The following PAPPA2 variants were observed in gnomAD, a reference collection of about 807,000 sequenced individuals.
PAPPA2 encodes pappalysin-2.
Under a neutral mutation model 176.4 loss-of-function variants are expected in PAPPA2, and 86 were observed. That is an observed-to-expected ratio of 0.49 (90% confidence interval 0.41 to 0.58). The LOEUF is 0.58. PAPPA2 is among the 20% of genes least tolerant of loss of function. The pLI is 0.00. For synonymous variants in PAPPA2, 809 were observed against 852.2 expected, an observed-to-expected ratio of 0.95 and a Z score of 0.88; for missense variants, 2,073 against 2,256.9, an observed-to-expected ratio of 0.92 and a Z score of 1.65.
rs902689364 is a variant in PAPPA2, at chr1:176,838,398, G to GA, written c.5203-1767dup. Among the ~76,000 whole-genome samples, 5 of 151,880 alleles carry GA rather than the reference G, an allele frequency of 3.3e-5. No individual in the cohort carries two copies. In the South Asian group the frequency reaches 8.3e-4, roughly 25 times the overall value. On this transcript the variant is annotated intron_variant, in intron 21 of 22. Transcript: ENST00000367662. ...TTCGATTTTTATAGACAATTACATG[G>GA]AAAAAAAAGAAGGAACTTACTAGGT...
chr1:176,624,205 A>G (rs1243426780), intron 3 of PAPPA2, among the ~76,000 whole-genome samples: 1 of 152,160 alleles, frequency 6.6e-6, no homozygotes, highest in African/African-American at 2.4e-5. Flanking sequence ...TTCACTGAAG[A>G]CCACCTATGC....
At chr1:176,464,996 T>C (rs1389070651) in intron 1 of PAPPA2, among the ~76,000 whole-genome samples, 5 of 152,240 alleles carry the variant, frequency 3.3e-5, no homozygotes, top group Non-Finnish European at 7.3e-5. Flanking sequence ...AGTAGGATTC[T>C]AATACACGTA....
intron 21 of PAPPA2, among the ~76,000 whole-genome samples, chr1:176,803,308 G>C (rs1050736100): frequency 2.0e-5 from 3 of 152,304 alleles, no homozygotes; most frequent in African/African-American, 7.2e-5. Context: ...TGGCCCGTAA[G>C]AGATTCTTAC....
At chr1:176,618,822 T>C (rs2102688483) in intron 3 of PAPPA2, among the ~76,000 whole-genome samples, 1 of 152,280 alleles carries the variant, frequency 6.6e-6, no homozygotes, top group South Asian at 2.1e-4. Flanking sequence ...AAAATACAAC[T>C]TCCCTCAAAG....
intron 14 of PAPPA2, among the ~76,000 whole-genome samples, chr1:176,741,245 G>T (rs1300539677): frequency 1.3e-5 from 2 of 152,174 alleles, no homozygotes; most frequent in Non-Finnish European, 2.9e-5. Flanking sequence ...CAAGGCTGTA[G>T]TTACTCAAAC....
intron 17 of PAPPA2, among the ~76,000 whole-genome samples, chr1:176,779,006 A>C (rs775742371): frequency 6.6e-6 from 1 of 152,178 alleles, no homozygotes; most frequent in Non-Finnish European, 1.5e-5. Context: ...ACTGCGGGCT[A>C]CAAGGGGCCT....
intron 3 of PAPPA2, among the ~76,000 whole-genome samples, chr1:176,605,827 C>T (rs549056446): frequency 5.3e-5 from 8 of 152,260 alleles, no homozygotes; most frequent in Non-Finnish European, 8.8e-5. Flanking sequence ...CAACCCTACT[C>T]GGAGTAGAAT....
At chr1:176,728,240 A>G (rs1237335547) in intron 12 of PAPPA2, among the ~76,000 whole-genome samples, 1 of 151,898 alleles carries the variant, frequency 6.6e-6, no homozygotes, top group Admixed American at 6.6e-5. Flanking sequence ...TTGATTTTAT[A>G]CTTTATGAGA....
intron 3 of PAPPA2, among the ~76,000 whole-genome samples, chr1:176,617,647 C>T (rs1028601886): frequency 6.8e-6 from 1 of 147,832 alleles, no homozygotes; most frequent in African/African-American, 2.5e-5. Context: ...TTCCATGGCG[C>T]ATATATATAT....
chr1:176,604,445 A>G (rs1654504061), intron 3 of PAPPA2, among the ~76,000 whole-genome samples: 1 of 152,222 alleles, frequency 6.6e-6, no homozygotes, highest in African/African-American at 2.4e-5. Context: ...GAATGTTCTT[A>G]TTCTAGTACA....
At chr1:176,647,602 A>G (rs1488308021) in intron 3 of PAPPA2, among the ~76,000 whole-genome samples, 2 of 151,534 alleles carry the variant, frequency 1.3e-5, no homozygotes, top group East Asian at 1.9e-4. Context: ...GTGGTAAGAG[A>G]TAGGGGTCTG....
intron 3 of PAPPA2, among the ~76,000 whole-genome samples, chr1:176,661,827 G>A (rs1271920767): frequency 1.3e-5 from 2 of 151,990 alleles, no homozygotes; most frequent in Non-Finnish European, 2.9e-5. Context: ...GAAGGAAGGT[G>A]GAATAATTAT....
intron 3 of PAPPA2, among the ~76,000 whole-genome samples, chr1:176,620,157 G>A (rs976564337): frequency 2.6e-5 from 4 of 152,174 alleles, no homozygotes; most frequent in Admixed American, 6.5e-5. Flanking sequence ...GGAATGGTGT[G>A]AGGGGTCTCT....
intron 1 of PAPPA2, among the ~76,000 whole-genome samples, chr1:176,523,502 G>A (rs541465970): frequency 6.6e-6 from 1 of 152,316 alleles, no homozygotes; most frequent in Admixed American, 6.5e-5. Flanking sequence ...TTTGGGAGAT[G>A]CTGACACTTG....
intron 1 of PAPPA2, among the ~76,000 whole-genome samples, chr1:176,494,457 G>C (rs1647485066): frequency 6.6e-6 from 1 of 152,168 alleles, no homozygotes; most frequent in Admixed American, 6.5e-5. Flanking sequence ...CAACAGAACA[G>C]TATTCTGTTG....
At chr1:176,787,551 AT>A (rs1190929460) in intron 17 of PAPPA2, among the ~76,000 whole-genome samples, 1 of 152,126 alleles carries the variant, frequency 6.6e-6, no homozygotes, top group Non-Finnish European at 1.5e-5. Context: ...TTAGATTTCT[AT>A]TGCAAAATGT....
Position 176,840,348 on chromosome 1 carries a change from A to G in PAPPA2, c.5301+77A>G, listed in dbSNP as rs921612919. The G allele has an allele frequency of 4.8e-5, 55 of 1,134,784 alleles. No individual in the cohort carries two copies. In the South Asian group the frequency reaches 6.9e-4, roughly 14 times the overall value. The allele number at this position is 1,134,784 out of a possible 1,614,324, so 70.3% of individuals were successfully genotyped here. On this transcript the variant is annotated intron_variant, in intron 22 of 22. Transcript: ENST00000367662. Reference sequence around the variant, plus strand: ...CAGGGTCTTCAGCTAGCTCTCATTCATGGTGTGTAATAATGGGTTTGTATT... The same window carrying G: ...CAGGGTCTTCAGCTAGCTCTCATTCGTGGTGTGTAATAATGGGTTTGTATT...
chr1:176,586,761 A>C (rs981788248), intron 2 of PAPPA2, among the ~76,000 whole-genome samples: 3 of 152,172 alleles, frequency 2.0e-5, no homozygotes, highest in Admixed American at 6.5e-5. Context: ...ATATGTGTGC[A>C]TGTGTCTTTA....
chr1:176,730,727 G>C (rs557365524), intron 12 of PAPPA2, among the ~76,000 whole-genome samples: 7 of 151,256 alleles, frequency 4.6e-5, no homozygotes, highest in Non-Finnish European at 8.9e-5. Context: ...ATTTGTTTTA[G>C]GTGTTCCATA....
Sources: allele counts gnomAD v4.1 joint callset (sites outside exome capture counted in the v4.1 genomes callset), GRCh38; gene constraint gnomAD v4.1.1; transcripts MANE v1.5; gene names NCBI Gene and HGNC (gene_info 2026-07-23, HGNC 2026-07-21).